HPS4: variants seen among roughly 807,000 people sequenced by gnomAD.
HPS4 encodes BLOC-3 complex member HPS4.
A neutral mutation model predicts 70.3 loss-of-function variants in HPS4; 44 were observed. The observed-to-expected ratio is 0.63, with a 90% CI of 0.49 to 0.80. The LOEUF (loss-of-function observed/expected upper bound fraction) is 0.80, where lower values mean the gene tolerates loss of function less well. Among genes scored for constraint, HPS4 ranks in the 30% least tolerant of loss-of-function variants. HPS4 has a pLI of 0.00. For synonymous variants in HPS4, 377 were observed against 355.9 expected (o/e 1.06, Z -0.67); for missense variants, 873 against 884.4 (o/e 0.99, Z 0.16).
chr22:26,443,264 T>A (rs560113260), downstream of HPS4: 379 of 1,435,228 alleles, frequency 2.6e-4, no homozygotes, highest in African/African-American at 4.7e-3. Flanking sequence ...GGGCAGACTG[T>A]GGTCCGGTCC....
At chr22:26,476,694 G>T in intron 4 of HPS4, 1 of 371,114 alleles carries the variant, frequency 2.7e-6, no homozygotes, top group Non-Finnish European at 5.1e-6. Flanking sequence ...AAGAAAAGAT[G>T]ATGATAAAAA....
intron 7 of HPS4, among the ~76,000 whole-genome samples, chr22:26,469,512 C>T (rs1374411227): frequency 1.3e-5 from 2 of 151,174 alleles, no homozygotes; most frequent in African/African-American, 4.9e-5. Context: ...CTGTGTGTTC[C>T]TCTATTGATT....
chr22:26,450,697 A>C (rs1428178551), downstream of HPS4, among the ~76,000 whole-genome samples: 1 of 152,194 alleles, frequency 6.6e-6, no homozygotes, highest in African/African-American at 2.4e-5. Context: ...GGTTACTTCC[A>C]TGCTGTTCTT....
At chr22:26,477,331 T>C (rs1304540857) in intron 3 of HPS4, among the ~76,000 whole-genome samples, 195 bp from the exon 4 acceptor site, 2 of 152,204 alleles carry the variant, frequency 1.3e-5, no homozygotes, top group African/African-American at 4.8e-5. Flanking sequence ...CTTATGTGCC[T>C]TGCAAAGCCT....
At position 26,481,851 on chromosome 22, in the gene HPS4, C is replaced by T; in HGVS notation, c.-89G>A. On this transcript the variant is annotated 5_prime_UTR_variant, in exon 2 of 14. Transcript: ENST00000398145. ...CCTAGCTGTGACCGTTCCTCTATCC[C>T]CCAATCCAGTGAATCTGGACGTGGT... is the stretch of plus-strand genomic sequence containing the variant. The T allele has an allele frequency of 7.7e-7, 1 of 1,290,450 alleles. No individual in the cohort carries two copies. The highest frequency in any genetic ancestry group is 1.2e-5 in the South Asian group (1 of 83,908). 79.9% of individuals were successfully genotyped at this position (1,290,450 alleles called of 1,614,324 possible). A position where few individuals can be genotyped will look rare whatever the true frequency, so the allele number is the denominator to read the frequency against.
intron 2 of HPS4, among the ~76,000 whole-genome samples, chr22:26,480,541 A>G (rs963827532): frequency 6.6e-6 from 1 of 152,062 alleles, no homozygotes; most frequent in African/African-American, 2.4e-5. Flanking sequence ...AATGGGACCA[A>G]TGTGTCATCT....
chr22:26,479,638 T>A, intron 2 of HPS4: 1 of 1,293,160 alleles, frequency 7.7e-7, no homozygotes, highest in Non-Finnish European at 9.8e-7. Flanking sequence ...CAATGACTGC[T>A]CTTATTTGAA....
chr22:26,449,613 G>A (rs139987808), downstream of HPS4, among the ~76,000 whole-genome samples: 58 of 151,478 alleles, frequency 3.8e-4, no homozygotes, highest in East Asian at 9.4e-3. Flanking sequence ...TTATACAGGC[G>A]TCACACCGCG....
intron 11 of HPS4, among the ~76,000 whole-genome samples, chr22:26,459,744 G>A (rs1227147753): frequency 6.6e-6 from 1 of 152,128 alleles, no homozygotes; most frequent in Non-Finnish European, 1.5e-5. Flanking sequence ...CTGCAAAATG[G>A]GAACAGTACG....
At chr22:26,461,924 C>A (rs1037115556) in intron 11 of HPS4, among the ~76,000 whole-genome samples, 1 of 151,990 alleles carries the variant, frequency 6.6e-6, no homozygotes, top group Admixed American at 6.6e-5. Flanking sequence ...GTCAGGAGTT[C>A]GAGACCAGCC....
In HPS4 at chr22:26,464,172, C is replaced by T. The variant is rs1473265215; in HGVS notation, c.1458G>A (p.Gly486=). The T allele has an allele frequency of 2.5e-6, 4 of 1,614,238 alleles. No homozygotes were observed. Among genetic ancestry groups the T allele is most frequent in the Admixed American group, 1.7e-5 (1 of 60,032 alleles). ...CAACATCCTCATCCAGGCCTTGTTC[C>T]CCCGTGGGAAGCTTGTTTCCTCTCT... The part of the protein sequence containing the change: ...PGQRGNKLPT[G]EQGLDEDVDG... The change falls in exon 11 of 14, where the codon GGG becomes GGA. Residue 486 remains glycine, a synonymous_variant. Coordinates refer to ENST00000398145, the MANE Select transcript of HPS4 (RefSeq NM_022081.6).
chr22:26,466,688 A>C, intron 8 of HPS4: 1 of 267,492 alleles, frequency 3.7e-6, no homozygotes, highest in Non-Finnish European at 7.3e-6. Flanking sequence ...AAATACTGTG[A>C]CTCTCACGAT....
chr22:26,482,576 C>T (rs1004994854), intron 1 of HPS4, among the ~76,000 whole-genome samples: 3 of 152,174 alleles, frequency 2.0e-5, no homozygotes, highest in African/African-American at 7.2e-5. Context: ...GTAACCTGAA[C>T]ATGCAGAATT....
chr22:26,475,915 T>C (rs746715246), intron 4 of HPS4: 3 of 152,096 alleles, frequency 2.0e-5, no homozygotes, highest in Non-Finnish European at 2.9e-5. Flanking sequence ...TGGTGGTGCA[T>C]GCCTGTGGTC....
chr22:26,464,789 C>T lies in HPS4; in HGVS notation c.841G>A (p.Ala281Thr), dbSNP rs1320787426. ...CTCCCACCCTTTGGATGGTGCTGGG[C>T]TGAACCATCCTGGAGTCCTGCTGGA... ...ASPAGLQDGSAQHHPKGGSTS... is the reference protein window; with the variant it reads ...ASPAGLQDGSTQHHPKGGSTS... The change falls in exon 11 of 14, where the codon GCC (alanine) becomes ACC (threonine). Residue 281 changes from alanine to threonine, a missense_variant. By Grantham distance (58) the Ala-to-Thr change is moderately conservative. Transcript: ENST00000398145. 6.3e-7 allele frequency: 1 copy of T among 1,591,386 alleles called. No homozygotes were observed. Among genetic ancestry groups the T allele is most frequent in the East Asian group, 2.2e-5 (1 of 44,828 alleles).
intron 8 of HPS4, chr22:26,468,320 G>A: frequency 3.5e-6 from 2 of 573,046 alleles, no homozygotes; most frequent in Non-Finnish European, 6.3e-6. Context: ...AGATTTCCTT[G>A]GTTTGAAGAA....
At chr22:26,464,880 G>A in intron 10 of HPS4, 54 bp from the exon 11 acceptor site, 1 of 1,503,192 alleles carries the variant, frequency 6.7e-7, no homozygotes, top group Non-Finnish European at 8.9e-7. Flanking sequence ...TGCAGGGCAA[G>A]TGCCCTTCCA....
At chr22:26,454,149 A>G (rs192013319) in intron 13 of HPS4, among the ~76,000 whole-genome samples, 82 of 152,316 alleles carry the variant, frequency 5.4e-4, no homozygotes, top group Middle Eastern at 3.4e-3. Flanking sequence ...AGGGACTGCT[A>G]AGGCTCCCCT....
intron 7 of HPS4, among the ~76,000 whole-genome samples, chr22:26,469,413 A>G (rs902006587): frequency 6.6e-6 from 1 of 152,122 alleles, no homozygotes; most frequent in East Asian, 1.9e-4. Flanking sequence ...ATGCCACTAC[A>G]CTACAGCCTG....
Sources: allele counts gnomAD v4.1 joint callset (sites outside exome capture counted in the v4.1 genomes callset), GRCh38; gene constraint gnomAD v4.1.1; transcripts MANE v1.5; gene names NCBI Gene and HGNC (gene_info 2026-07-23, HGNC 2026-07-21).